PDCD11: variants seen among roughly 807,000 people sequenced by gnomAD.
PDCD11 encodes the protein programmed cell death 11.
In PDCD11, 97 loss-of-function variants were observed where a neutral mutation model predicts 198.9. The observed-to-expected ratio is 0.49, with a 90% CI of 0.41 to 0.58. PDCD11 has a LOEUF of 0.58. PDCD11 is among the 20% of genes least tolerant of loss of function. The probability of loss-of-function intolerance (pLI) is 0.00; values close to 1 mark genes in which losing one functional copy is unlikely to be tolerated. For missense variants in PDCD11, 2,102 were observed against 2,312.7 expected (o/e 0.91, Z 1.87); for synonymous variants, 893 against 918.0 (o/e 0.97, Z 0.49).
intron 21 of PDCD11, among the ~76,000 whole-genome samples, chr10:103,427,745 A>G (rs1311027765): frequency 6.6e-6 from 1 of 152,188 alleles, no homozygotes. Flanking sequence ...ATTTCAACCT[A>G]GACGACTGTG....
intron 15 of PDCD11, 138 bp downstream of exon 15, chr10:103,418,772 T>G: frequency 1.4e-6 from 1 of 717,278 alleles, no homozygotes; most frequent in Admixed American, 2.8e-5. Flanking sequence ...AAGCCTGTGC[T>G]ATGGAAAGTA....
Position 103,442,276 on chromosome 10 carries a change from A to G in PDCD11, c.4771A>G (p.Ile1591Val). 1 of 1,614,212 alleles carries G rather than the reference A, an allele frequency of 6.2e-7. No individual in the cohort carries two copies. Among genetic ancestry groups the G allele is most frequent in the Non-Finnish European group, 8.5e-7 (1 of 1,180,024 alleles). The change falls in exon 32 of 36, where the codon ATT becomes GTT. Residue 1591 changes from isoleucine (I) to valine (V), a missense_variant. Coordinates refer to ENST00000369797, the MANE Select transcript of PDCD11 (RefSeq NM_014976.2). ...GAAGGCAGAGAAGGAACTGTCCCGC[A>G]TTGAGGAGGCGCTGATGGATCCTGG... ...KQKAEKELSRIEEALMDPGRQ... is the reference protein window; with the variant it reads ...KQKAEKELSRVEEALMDPGRQ...
At chr10:103,404,942 T>G in intron 4 of PDCD11, 80 bp from the exon 5 acceptor site, 1 of 1,349,090 alleles carries the variant, frequency 7.4e-7, no homozygotes, top group Non-Finnish European at 1.0e-6. Flanking sequence ...GGATGAGAAG[T>G]CACTGAGCCA....
At chr10:103,400,574 T>G in intron 3 of PDCD11, 46 bp downstream of exon 3, 1 of 1,564,890 alleles carries the variant, frequency 6.4e-7, no homozygotes, top group Non-Finnish European at 8.7e-7. Context: ...CTTGGTTGCT[T>G]AAGTTTGTGT....
Position 103,416,752 on chromosome 10 carries a change from C to T in PDCD11, c.1770+10C>T. The T allele has an allele frequency of 6.2e-7, 1 of 1,611,094 alleles. No homozygotes were observed. Among genetic ancestry groups the T allele is most frequent in the Non-Finnish European group, 8.5e-7 (1 of 1,178,008 alleles). On this transcript the variant is annotated intron_variant, in intron 13 of 35. Coordinates refer to ENST00000369797, the MANE Select transcript of PDCD11 (RefSeq NM_014976.2). Reference sequence around the variant, plus strand: ...TTTTTACACTGGCCAGGTAACCCTTCCCCTAGACAGGTCCCCTTTACCCTT... The same window carrying T: ...TTTTTACACTGGCCAGGTAACCCTTTCCCTAGACAGGTCCCCTTTACCCTT...
At position 103,425,111 on chromosome 10, in the gene PDCD11, G is replaced by C. The variant is rs138821930; in HGVS notation, c.2891G>C (p.Arg964Pro). The change falls in exon 20 of 36, where the codon CGC becomes CCC. Residue 964 changes from arginine to proline, a missense_variant. Physicochemically the swap from Arg to Pro is moderately radical, Grantham distance 103 (BLOSUM62 -2). Coordinates refer to ENST00000369797, the MANE Select transcript of PDCD11 (RefSeq NM_014976.2). ...SLTSHLNDTF[R>P]FDSEKLQVGQ... ...ACCTCTCACCTCAACGACACCTTCC[G>C]CTTTGACTCAGAGAAATTGCAGGTG... is the stretch of plus-strand genomic sequence containing the variant. 1 of 1,614,200 alleles carries C rather than the reference G, an allele frequency of 6.2e-7. No individual in the cohort carries two copies.
At chr10:103,402,992 A>ATT in intron 3 of PDCD11, 126 bp from the exon 4 acceptor site, 1 of 885,398 alleles carries the variant, frequency 1.1e-6, no homozygotes. Context: ...AAGTATTGGA[A>ATT]TTATAGGGCG....
chr10:103,443,863 G>A, intron 33 of PDCD11, 52 bp from the exon 34 acceptor site: 1 of 1,574,892 alleles, frequency 6.3e-7, no homozygotes, highest in South Asian at 1.1e-5. Flanking sequence ...TGTCTGTCTT[G>A]TCCCCTCTGT....
rs1592146177 is a variant in PDCD11, at chr10:103,445,643, C to T, written c.*94C>T. 1.0e-6 allele frequency: 1 copy of T among 999,908 alleles called. No homozygotes were observed. The highest frequency in any genetic ancestry group is 1.6e-5 in the African/African-American group (1 of 61,680). 61.9% of individuals were successfully genotyped at this position (999,908 alleles called of 1,614,324 possible). On this transcript the variant is annotated 3_prime_UTR_variant, in exon 36 of 36. Coordinates refer to ENST00000369797, the MANE Select transcript of PDCD11 (RefSeq NM_014976.2). ...CTCGGAAAACTGTTACCTCAGGACT[C>T]TATTTAAATGCTGCTTTTTCTGCAG...
chr10:103,409,550 T>C (rs2030666799), intron 7 of PDCD11, 149 bp from the exon 8 acceptor site: 1 of 607,624 alleles, frequency 1.6e-6, no homozygotes, highest in Non-Finnish European at 2.9e-6. Flanking sequence ...GTTATTTGTA[T>C]AGGAAGAAAA....
rs142790276 is a variant in PDCD11, at chr10:103,403,194, A to G, written c.311A>G (p.Asn104Ser). 137 of 1,614,118 alleles carry G rather than the reference A, an allele frequency of 8.5e-5. No homozygotes were observed. The highest frequency in any genetic ancestry group is 4.9e-4 in the African/African-American group (37 of 75,054). ...NELELVISLP[N>S]GLQGFVQVTE... is the part of the protein sequence containing the mutation. The stretch of plus-strand genomic sequence containing the variant: ...CTGGAACTGGTGATTAGTCTCCCCA[A>G]TGGCCTCCAGGGCTTTGTGCAAGTC... Residue 104 changes from asparagine (N) to serine (S), a missense_variant, in exon 4 of 36, where the codon AAT becomes AGT. By Grantham distance (46) the Asn-to-Ser change is conservative (BLOSUM62 1). Coordinates refer to ENST00000369797, the MANE Select transcript of PDCD11 (RefSeq NM_014976.2).
chr10:103,428,732 A>G (rs1414558193), intron 21 of PDCD11, among the ~76,000 whole-genome samples: 1 of 152,090 alleles, frequency 6.6e-6, no homozygotes, highest in Non-Finnish European at 1.5e-5. Flanking sequence ...GTACTGAGGA[A>G]CCCCTCATTA....
rs760971975 is a variant in PDCD11 at position 103,403,324 on chromosome 10, G to A, written c.402+39G>A. On this transcript the variant is annotated intron_variant, in intron 4 of 35. Coordinates refer to ENST00000369797, the MANE Select transcript of PDCD11 (RefSeq NM_014976.2). ...GAATGAAGCCTGTTATTGAAAATAA[G>A]TGGAACACAAATAGATTTAAAATTA... The A allele has an allele frequency of 1.9e-6, 3 of 1,575,424 alleles. No homozygotes were observed. The African/African-American group carries it at 4.1e-5, about 21-fold the overall frequency.
At chr10:103,430,193 T>C (rs1416924482) in intron 21 of PDCD11, among the ~76,000 whole-genome samples, 1 of 152,134 alleles carries the variant, frequency 6.6e-6, no homozygotes, top group East Asian at 1.9e-4. Flanking sequence ...GGGTTTTGCC[T>C]TGTTGCCCAG....
rs762669449 is a variant in PDCD11, at chr10:103,434,342, C to T, written c.3659C>T (p.Ser1220Phe). 2 of 1,603,360 alleles carry T rather than the reference C, an allele frequency of 1.2e-6. No homozygotes were observed. Among genetic ancestry groups the T allele is most frequent in the Admixed American group, 1.7e-5 (1 of 59,992 alleles). ...TCCTCCAAGACCCTCTTATGTCTGTCCCTCACAGGTGTGGGGATGAAACAG... is the reference window on the plus strand; with the variant it reads ...TCCTCCAAGACCCTCTTATGTCTGTTCCTCACAGGTGTGGGGATGAAACAG... ...PDSSKTLLCL[S>F]LTGPHKLEEG... The change falls in exon 24 of 36, where the codon TCC (serine) becomes TTC (phenylalanine). Residue 1220 changes from serine to phenylalanine, a missense_variant. Transcript: ENST00000369797.
In PDCD11 at chr10:103,439,736, C is replaced by G. The variant is rs375253905; in HGVS notation, c.4026-10C>G. On this transcript the variant is annotated splice_polypyrimidine_tract_variant and intron_variant, in intron 27 of 35. Transcript: ENST00000369797. Reference sequence around the variant, plus strand: ...TTGTGACCACAGGACTCTTGCCTCTCTCCTTTCAGCCTTGGCCCCTCCGTT... The same window carrying G: ...TTGTGACCACAGGACTCTTGCCTCTGTCCTTTCAGCCTTGGCCCCTCCGTT... 3 of 1,614,078 alleles carry G rather than the reference C, an allele frequency of 1.9e-6. No homozygotes were observed. The African/African-American group carries it at 4.0e-5, about 22-fold the overall frequency.
At chr10:103,437,920 G>C in intron 25 of PDCD11, 95 bp from the exon 26 acceptor site, 1 of 944,950 alleles carries the variant, frequency 1.1e-6, no homozygotes, top group Non-Finnish European at 1.7e-6. Context: ...CCTCACTCCT[G>C]CCTATTCGTC....
In PDCD11 at chr10:103,433,951, A is replaced by G. The variant is rs774072421; in HGVS notation, c.3478A>G (p.Asn1160Asp). The change falls in exon 23 of 36, where the codon AAT becomes GAT. Residue 1160 changes from asparagine to aspartate, a missense_variant. Coordinates refer to ENST00000369797, the MANE Select transcript of PDCD11 (RefSeq NM_014976.2). The stretch of plus-strand genomic sequence containing the variant: ...CTGGTTCCTTTTTTTCCCTCAGTAC[A>G]ATGTGGTGAAGAAATGGCTTGAGGT... ...QTVTCFLKKY[N>D]VVKKWLEVEI... 6.2e-7 allele frequency: 1 copy of G among 1,612,152 alleles called. No individual in the cohort carries two copies. The highest frequency in any genetic ancestry group is 1.1e-5 in the South Asian group (1 of 91,032).
At chr10:103,416,348 G>A in intron 12 of PDCD11, 143 bp from the exon 13 acceptor site, 1 of 743,454 alleles carries the variant, frequency 1.3e-6, no homozygotes, top group Non-Finnish European at 2.3e-6. Context: ...GGAAGAATCT[G>A]CCACTGAGAT....
Sources: allele counts gnomAD v4.1 joint callset (sites outside exome capture counted in the v4.1 genomes callset), GRCh38; gene constraint gnomAD v4.1.1; transcripts MANE v1.5; gene names NCBI Gene and HGNC (gene_info 2026-07-23, HGNC 2026-07-21).